P2RY11: variants seen among roughly 807,000 people sequenced by gnomAD.
P2RY11 encodes the protein P2Y purinoceptor 11.
P2RY11 carries 3 observed loss-of-function variants against 2.4 expected under a neutral mutation model. The ratio of observed to expected loss-of-function variants is 1.22; its 90% confidence interval spans 0.56 to 3.17. The LOEUF (loss-of-function observed/expected upper bound fraction) is 3.17. Among genes scored for constraint, P2RY11 ranks in the 30% most tolerant of loss-of-function variants. The pLI, the probability that P2RY11 is intolerant of heterozygous loss-of-function variation, is 0.03. For synonymous variants in P2RY11, 307 were observed against 237.3 expected (o/e 1.29, Z -2.70); for missense variants, 670 against 528.2 (o/e 1.27, Z -2.63).
chr19:10,114,993 G>T lies in P2RY11; in HGVS notation c.*255G>T. ...TGGCCCCCGCCACAGGACTGGAGAC[G>T]CAAGAACAAAAAGAACCAAGTAGAG... On this transcript the variant is annotated 3_prime_UTR_variant, in exon 2 of 2. Coordinates refer to ENST00000321826, the MANE Select transcript of P2RY11 (RefSeq NM_002566.5). 1 of 1,509,622 alleles carries T rather than the reference G, an allele frequency of 6.6e-7. No homozygotes were observed. Among genetic ancestry groups the T allele is most frequent in the South Asian group, 1.2e-5 (1 of 84,808 alleles). The allele number at this position is 1,509,622 out of a possible 1,614,324, so 93.5% of individuals were successfully genotyped here.
At chr19:10,113,574 G>A (rs992477481) in intron 1 of P2RY11, 59 bp from the exon 2 acceptor site, 1 of 1,553,142 alleles carries the variant, frequency 6.4e-7, no homozygotes, top group Non-Finnish European at 8.7e-7. Flanking sequence ...GGCTCTTGGG[G>A]TAGCAGGAGC....
chr19:10,114,192 G>A lies in P2RY11; in HGVS notation c.579G>A (p.Gly193=), dbSNP rs772236501. The change falls in exon 2 of 2, where the codon GGG becomes GGA. Residue 193 remains glycine, a synonymous_variant. Transcript: ENST00000321826. ...ARPEACIKCL[G]TADHGLAAYR... is the part of the protein sequence containing the mutation. ...CCGAGGCCTGCATCAAGTGTCTGGG[G>A]ACAGCAGACCACGGGCTGGCGGCCT... The A allele has an allele frequency of 1.1e-5, 17 of 1,600,674 alleles. No homozygotes were observed. The highest frequency in any genetic ancestry group is 1.3e-5 in the Non-Finnish European group (15 of 1,179,538).
In P2RY11 at chr19:10,114,489, A is replaced by G. The variant is rs748771465; in HGVS notation, c.876A>G (p.Thr292=). The change falls in exon 2 of 2, where the codon ACA becomes ACG. Residue 292 remains threonine (T), a synonymous_variant. Transcript: ENST00000321826. ...CPSFADIAQA[T]AALELGPYVG... is the part of the protein sequence containing the mutation. The stretch of plus-strand genomic sequence containing the variant: ...GCTTTGCAGACATAGCCCAGGCCAC[A>G]GCAGCCCTGGAGCTGGGGCCCTACG... 1.2e-5 allele frequency: 19 copies of G among 1,610,944 alleles called. No homozygotes were observed. In the South Asian group the frequency reaches 1.6e-4, roughly 14 times the overall value.
Position 10,114,995 on chromosome 19 carries a change from A to G in P2RY11, c.*257A>G, listed in dbSNP as rs969683867. 3 of 1,520,804 alleles carry G rather than the reference A, an allele frequency of 2.0e-6. No individual in the cohort carries two copies. The African/African-American group carries it at 4.1e-5, about 21-fold the overall frequency. 94.2% of individuals were successfully genotyped at this position (1,520,804 alleles called of 1,614,324 possible). A position where few individuals can be genotyped will look rare whatever the true frequency, so the allele number is the denominator to read the frequency against. ...GCCCCCGCCACAGGACTGGAGACGC[A>G]AGAACAAAAAGAACCAAGTAGAGAG... On this transcript the variant is annotated 3_prime_UTR_variant, in exon 2 of 2. Transcript: ENST00000321826.
rs748430819 is a variant in P2RY11, at chr19:10,113,941, A to G, written c.328A>G (p.Thr110Ala). ...GTGCCGCCTGGAGCGCTTCCTCTTC[A>G]CCTGCAACCTGCTGGGCAGCGTCAT... ...AACRLERFLF[T>A]CNLLGSVIFI... Residue 110 changes from threonine (T) to alanine (A), a missense_variant, in exon 2 of 2, where the codon ACC becomes GCC. By Grantham distance (58) the Thr-to-Ala change is moderately conservative. Transcript: ENST00000321826. The G allele has an allele frequency of 1.9e-6, 3 of 1,602,428 alleles. No individual in the cohort carries two copies. Among genetic ancestry groups the G allele is most frequent in the South Asian group, 2.2e-5 (2 of 91,070 alleles).
At position 10,114,396 on chromosome 19, in the gene P2RY11, T is replaced by C. The variant is rs933635984; in HGVS notation, c.783T>C (p.Tyr261=). ...ASGVALYASS[Y]VPYHIMRVLN... ...GTGTGGCCCTCTACGCCAGCTCCTA[T>C]GTGCCCTACCACATCATGCGGGTGC... The change falls in exon 2 of 2, where the codon TAT becomes TAC. Residue 261 remains tyrosine, a synonymous_variant. Coordinates refer to ENST00000321826, the MANE Select transcript of P2RY11 (RefSeq NM_002566.5). 2.1e-5 allele frequency: 34 copies of C among 1,609,930 alleles called. No individual in the cohort carries two copies. Among genetic ancestry groups the C allele is most frequent in the Non-Finnish European group, 2.5e-5 (30 of 1,179,908 alleles).
At position 10,115,093 on chromosome 19, in the gene P2RY11, G is replaced by A. The variant is rs771210332; in HGVS notation, c.*355G>A. On this transcript the variant is annotated 3_prime_UTR_variant, in exon 2 of 2. Transcript: ENST00000321826. ...CTTCTGTCGCCAAGGGTCCCGGACCGAGTACACAGTGGCAGCTGGCTTAGT... is the reference window on the plus strand; with the variant it reads ...CTTCTGTCGCCAAGGGTCCCGGACCAAGTACACAGTGGCAGCTGGCTTAGT... 52 of 1,613,884 alleles carry A rather than the reference G, an allele frequency of 3.2e-5. 1 individual carries two copies. The highest frequency in any genetic ancestry group is 4.2e-5 in the Non-Finnish European group (50 of 1,180,012).
In P2RY11 at chr19:10,115,320, C is replaced by T. The variant is rs2089222500; in HGVS notation, c.*582C>T. On this transcript the variant is annotated 3_prime_UTR_variant, in exon 2 of 2. Transcript: ENST00000321826. ...GGGACCCCAGGCACAAGAGCTGCCA[C>T]CCCTCTGCCCGGTTTTGGAAAAAAA... is the stretch of plus-strand genomic sequence containing the variant. 3.6e-6 allele frequency: 4 copies of T among 1,104,412 alleles called. No individual in the cohort carries two copies. The highest frequency in any genetic ancestry group is 3.2e-5 in the African/African-American group (2 of 63,102). The allele number at this position is 1,104,412 out of a possible 1,614,324, so 68.4% of individuals were successfully genotyped here.
At chr19:10,113,583 G>A (rs2087047913) in intron 1 of P2RY11, 50 bp from the exon 2 acceptor site, 12 of 1,559,670 alleles carry the variant, frequency 7.7e-6, no homozygotes, top group Non-Finnish European at 9.6e-6. Flanking sequence ...GGTAGCAGGA[G>A]CCGCCTTATG....
chr19:10,113,962 G>GTCATCTTCATCACCTGCATCAGCC lies in P2RY11; in HGVS notation c.353_376dup (p.Ile118_Leu125dup). 6.2e-7 allele frequency: 1 copy of GTCATCTTCATCACCTGCATCAGCC among 1,601,866 alleles called. No homozygotes were observed. Among genetic ancestry groups the GTCATCTTCATCACCTGCATCAGCC allele is most frequent in the Non-Finnish European group, 8.5e-7 (1 of 1,179,830 alleles). ...CTTCACCTGCAACCTGCTGGGCAGC[G>GTCATCTTCATCACCTGCATCAGCC]TCATCTTCATCACCTGCATCAGCCT... On this transcript the variant is annotated inframe_insertion, in exon 2 of 2. Coordinates refer to ENST00000321826, the MANE Select transcript of P2RY11 (RefSeq NM_002566.5).
intron 1 of P2RY11, among the ~76,000 whole-genome samples, chr19:10,113,227 C>T (rs1407772679): frequency 1.3e-5 from 2 of 152,228 alleles, no homozygotes; most frequent in East Asian, 1.9e-4. Flanking sequence ...TGGGCGGCGG[C>T]GGGTGCCAAG....
rs532889225 is a variant in P2RY11, at chr19:10,114,969, G to A, written c.*231G>A. The A allele has an allele frequency of 2.1e-4, 307 of 1,432,128 alleles. No homozygotes were observed. The East Asian group carries it at 7.0e-3, about 32-fold the overall frequency. 88.7% of individuals were successfully genotyped at this position (1,432,128 alleles called of 1,614,324 possible). Reference sequence around the variant, plus strand: ...CCACGCCCAGAGGAGGGGAGGCACTGGCCCCCGCCACAGGACTGGAGACGC... The same window carrying A: ...CCACGCCCAGAGGAGGGGAGGCACTAGCCCCCGCCACAGGACTGGAGACGC... On this transcript the variant is annotated 3_prime_UTR_variant, in exon 2 of 2. Transcript: ENST00000321826.
Position 10,114,627 on chromosome 19 carries a change from C to G in P2RY11, c.1014C>G (p.Tyr338Ter). The G allele has an allele frequency of 1.2e-6, 2 of 1,614,020 alleles. No individual in the cohort carries two copies. Among genetic ancestry groups the G allele is most frequent in the Non-Finnish European group, 1.7e-6 (2 of 1,179,994 alleles). Residue 338 changes from tyrosine to a stop codon, truncating the protein, a stop_gained, in exon 2 of 2, where the codon TAC becomes TAG. Transcript: ENST00000321826. LOFTEE classifies it low-confidence loss of function (END_TRUNC). Reference protein sequence around the residue: ...LGCCCRHCPGYRDSWNPEDAK... With the variant: ...LGCCCRHCPG ...GCTGCTGCCGACACTGCCCCGGCTA[C>G]AGGGACAGCTGGAACCCAGAGGACG...
At chr19:10,113,220 G>A (rs1352529378) in intron 1 of P2RY11, among the ~76,000 whole-genome samples, 1 of 152,218 alleles carries the variant, frequency 6.6e-6, no homozygotes, top group Admixed American at 6.5e-5. Context: ...GAGGCTTTGG[G>A]CGGCGGCGGG....
At chr19:10,113,365 G>A (rs879360741) in intron 1 of P2RY11, among the ~76,000 whole-genome samples, 2 of 152,156 alleles carry the variant, frequency 1.3e-5, no homozygotes, top group Non-Finnish European at 2.9e-5. Flanking sequence ...TGTGGTGGGG[G>A]AGTAGGGTGG....
Position 10,115,233 on chromosome 19 carries a change from G to A in P2RY11, c.*495G>A, listed in dbSNP as rs1324823409. On this transcript the variant is annotated 3_prime_UTR_variant, in exon 2 of 2. Coordinates refer to ENST00000321826, the MANE Select transcript of P2RY11 (RefSeq NM_002566.5). ...GTGGGTGGGCAGAGGACGGGGTAAT[G>A]TGAGGACGAAGCGGGCACGGAGCCA... 1 of 1,453,420 alleles carries A rather than the reference G, an allele frequency of 6.9e-7. No homozygotes were observed. Among genetic ancestry groups the A allele is most frequent in the African/African-American group, 1.4e-5 (1 of 71,942 alleles). The allele number at this position is 1,453,420 out of a possible 1,614,324, so 90.0% of individuals were successfully genotyped here. A position where few individuals can be genotyped will look rare whatever the true frequency, so the allele number is the denominator to read the frequency against.
At position 10,114,885 on chromosome 19, in the gene P2RY11, A is replaced by T; in HGVS notation, c.*147A>T. On this transcript the variant is annotated 3_prime_UTR_variant, in exon 2 of 2. Transcript: ENST00000321826. ...GCCCAGCTGCAGCCCAGGCAGGAGC[A>T]GTCGCCTTTCCCACCCACAGCGCTG... 7.0e-7 allele frequency: 1 copy of T among 1,430,048 alleles called. No individual in the cohort carries two copies. The highest frequency in any genetic ancestry group is 1.4e-5 in the South Asian group (1 of 73,078). 88.6% of individuals were successfully genotyped at this position (1,430,048 alleles called of 1,614,324 possible).
At position 10,114,360 on chromosome 19, in the gene P2RY11, G is replaced by C. The variant is rs142110342; in HGVS notation, c.747G>C (p.Leu249Phe). Reference sequence around the variant, plus strand: ...CCGAGAAGCTGCGTGTGGCAGCGTTGGTGGCCAGTGGTGTGGCCCTCTACG... The same window carrying C: ...CCGAGAAGCTGCGTGTGGCAGCGTTCGTGGCCAGTGGTGTGGCCCTCTACG... Reference protein sequence around the residue: ...TVAEKLRVAALVASGVALYAS... With the variant: ...TVAEKLRVAAFVASGVALYAS... The change falls in exon 2 of 2, where the codon TTG becomes TTC. Residue 249 changes from leucine to phenylalanine, a missense_variant. Physicochemically the swap from Leu to Phe is conservative, Grantham distance 22. Transcript: ENST00000321826. The C allele has an allele frequency of 1.2e-6, 2 of 1,604,932 alleles. No homozygotes were observed. The highest frequency in any genetic ancestry group is 1.7e-6 in the Non-Finnish European group (2 of 1,179,044).
In P2RY11 at chr19:10,114,816, T is replaced by G. The variant is rs973725142; in HGVS notation, c.*78T>G. 10 of 1,523,734 alleles carry G rather than the reference T, an allele frequency of 6.6e-6. No homozygotes were observed. In the African/African-American group the frequency reaches 6.9e-5, roughly 11 times the overall value. 94.4% of individuals were successfully genotyped at this position (1,523,734 alleles called of 1,614,324 possible). A position where few individuals can be genotyped will look rare whatever the true frequency, so the allele number is the denominator to read the frequency against. ...AGGGCAGGGCCCGAGCCCCGACACA[T>G]CCCTTCCCCCAAAAAGCAACACCTG... On this transcript the variant is annotated 3_prime_UTR_variant, in exon 2 of 2. Transcript: ENST00000321826.
Sources: allele counts gnomAD v4.1 joint callset (sites outside exome capture counted in the v4.1 genomes callset), GRCh38; gene constraint gnomAD v4.1.1; transcripts MANE v1.5; gene names NCBI Gene and HGNC (gene_info 2026-07-23, HGNC 2026-07-21).